IL1R1: variants seen among roughly 807,000 people sequenced by gnomAD.
IL1R1 encodes interleukin-1 receptor type 1.
IL1R1 carries 22 observed loss-of-function variants against 50.2 expected under a neutral mutation model. That is an observed-to-expected ratio of 0.44 (90% CI 0.31 to 0.63). The LOEUF is 0.63. Ranked by LOEUF, IL1R1 falls within the 20% of genes least tolerant of loss-of-function variation. IL1R1 has a pLI of 0.07. For synonymous variants in IL1R1, 251 were observed against 236.7 expected (o/e 1.06, Z -0.55); for missense variants, 509 against 676.2 (o/e 0.75, Z 2.74).
chr2:102,167,042 A>G (rs928066688), intron 6 of IL1R1, among the ~76,000 whole-genome samples: 1 of 152,168 alleles, frequency 6.6e-6, no homozygotes, highest in Non-Finnish European at 1.5e-5. Flanking sequence ...AGATTTTGTA[A>G]GATTTATGTA....
At chr2:102,158,601 A>G (rs2104536641) in intron 3 of IL1R1, among the ~76,000 whole-genome samples, 1 of 152,346 alleles carries the variant, frequency 6.6e-6, no homozygotes, top group South Asian at 2.1e-4. Flanking sequence ...CAGAATAAAA[A>G]TATCAGCATG....
intron 1 of IL1R1, among the ~76,000 whole-genome samples, chr2:102,073,818 G>A (rs977278630): frequency 6.6e-5 from 10 of 152,034 alleles, no homozygotes; most frequent in Non-Finnish European, 1.3e-4. Context: ...GAGGCAAAAA[G>A]CAACCCTACC....
chr2:102,124,848 G>A (rs1476323867), intron 1 of IL1R1, among the ~76,000 whole-genome samples: 2 of 152,004 alleles, frequency 1.3e-5, no homozygotes, highest in South Asian at 2.1e-4. Context: ...CCTGGGAGGC[G>A]GGGGTTGCAG....
chr2:102,079,373 A>G lies in IL1R1; in HGVS notation c.-84+8840A>G, dbSNP rs183166442. Among the ~76,000 whole-genome samples, 17 of 152,270 alleles carry G rather than the reference A, an allele frequency of 1.1e-4. No individual in the cohort carries two copies. In the East Asian group the frequency reaches 2.3e-3, roughly 21 times the overall value. On this transcript the variant is annotated intron_variant, in intron 1 of 11. Transcript: ENST00000409929. The stretch of plus-strand genomic sequence containing the variant: ...CATTCTAAGGAATCCACTAAAAACT[A>G]TTAGACTACTAAACAAGCTCAGTAA...
intron 7 of IL1R1, among the ~76,000 whole-genome samples, chr2:102,170,965 G>A (rs752013531): frequency 3.9e-5 from 6 of 152,172 alleles, no homozygotes; most frequent in Non-Finnish European, 5.9e-5. Context: ...AGAGGCTGAG[G>A]CATGAGAGTC....
chr2:102,164,195 G>A (rs75439304), intron 3 of IL1R1, among the ~76,000 whole-genome samples: 25 of 152,134 alleles, frequency 1.6e-4, no homozygotes, highest in African/African-American at 6.0e-4. Flanking sequence ...CTTTCTGCGT[G>A]TCGTTATGCA....
intron 1 of IL1R1, among the ~76,000 whole-genome samples, chr2:102,121,452 G>C (rs1681401615): frequency 1.3e-5 from 2 of 152,200 alleles, no homozygotes; most frequent in African/African-American, 2.4e-5. Context: ...CACCAGCCCG[G>C]TGACTCAGTT....
intron 6 of IL1R1, among the ~76,000 whole-genome samples, chr2:102,166,869 A>G (rs1019821134): frequency 6.6e-6 from 1 of 152,198 alleles, no homozygotes; most frequent in Admixed American, 6.5e-5. Flanking sequence ...CAAAACAGCT[A>G]TGCAATTAAT....
chr2:102,144,153 A>G (rs1335624415), intron 1 of IL1R1, among the ~76,000 whole-genome samples: 3 of 152,196 alleles, frequency 2.0e-5, no homozygotes, highest in African/African-American at 7.2e-5. Flanking sequence ...ATTGTGTGAT[A>G]TCTCATTTGA....
At chr2:102,141,800 C>T (rs959048432), upstream of IL1R1, 3 of 152,222 alleles carry the variant, frequency 2.0e-5, no homozygotes, top group African/African-American at 7.2e-5. Flanking sequence ...TGAAGACCTC[C>T]AAACAAGCTG....
Position 102,151,419 on chromosome 2 carries a change from A to G in IL1R1, c.-83-2522A>G, listed in dbSNP as rs1683642420. ...TGTGTCTCATGCAAAAATGGTGGGT[A>G]GGTAGGTAGGTGGATTCCTTCCCTC... On this transcript the variant is annotated intron_variant, in intron 1 of 11. Transcript: ENST00000410023. Among the ~76,000 whole-genome samples, 5 of 152,098 alleles carry G rather than the reference A, an allele frequency of 3.3e-5. 1 individual carries two copies. In the South Asian group the frequency reaches 1.0e-3, roughly 32 times the overall value.
chr2:102,079,679 CCCAGATTTATCACAAT>C (rs1679123989), intron 1 of IL1R1, among the ~76,000 whole-genome samples: 1 of 152,082 alleles, frequency 6.6e-6, no homozygotes, highest in African/African-American at 2.4e-5. Flanking sequence ...CCAAATGTAT[CCCAGATTTATCACAAT>C]CCTTATGAAT....
At chr2:102,079,505 T>A (rs1407418279) in intron 1 of IL1R1, among the ~76,000 whole-genome samples, 1 of 152,008 alleles carries the variant, frequency 6.6e-6, no homozygotes, top group East Asian at 1.9e-4. Flanking sequence ...TACAATAGCT[T>A]CAAAAAGAAT....
chr2:102,076,996 T>G (rs183572299), intron 1 of IL1R1, among the ~76,000 whole-genome samples: 2 of 152,332 alleles, frequency 1.3e-5, no homozygotes, highest in Non-Finnish European at 2.9e-5. Flanking sequence ...CAATCTTCTT[T>G]TCTCACCGCT....
chr2:102,091,556 A>C (rs1679667764), intron 1 of IL1R1, among the ~76,000 whole-genome samples: 1 of 152,226 alleles, frequency 6.6e-6, no homozygotes, highest in African/African-American at 2.4e-5. Flanking sequence ...CATTCATAGA[A>C]TGTGTAATGA....
At position 102,123,901 on chromosome 2, in the gene IL1R1, C is replaced by T. The variant is rs541135127; in HGVS notation, c.-84+19029C>T. Among the ~76,000 whole-genome samples, 220 of 151,938 alleles carry T rather than the reference C, an allele frequency of 1.4e-3. No individual in the cohort carries two copies. In the Middle Eastern group the frequency reaches 0.017, roughly 12 times the overall value. On this transcript the variant is annotated intron_variant, in intron 1 of 10. Transcript: ENST00000409329. ...TCTTTCTTGGTTGATAGGAATGAGACTTGGCAGAGATTAGGAAGGAGATGG... is the reference window on the plus strand; with the variant it reads ...TCTTTCTTGGTTGATAGGAATGAGATTTGGCAGAGATTAGGAAGGAGATGG...
rs1559469832 is a variant in IL1R1 at position 102,114,814 on chromosome 2, A to AAAAGGTAAAAAAAAAAAG, written c.-84+9942_-84+9943insAAAGGTAAAAAAAAAAAG. 2.2e-3 allele frequency among the ~76,000 whole-genome samples: 335 copies of AAAAGGTAAAAAAAAAAAG among 152,326 alleles called. 1 individual carries two copies. The highest frequency in any genetic ancestry group is 7.6e-3 in the African/African-American group (314 of 41,570). ...AAGGTAAAAAATGCTTTGGATTGGA[A>AAAAGGTAAAAAAAAAAAG]GTAGAGGCAGACCTTTACTTTAGTC... On this transcript the variant is annotated intron_variant, in intron 1 of 10. Coordinates refer to the IL1R1 transcript ENST00000409329.
intron 1 of IL1R1, among the ~76,000 whole-genome samples, chr2:102,089,887 G>A (rs1190076569): frequency 6.7e-6 from 1 of 148,706 alleles, no homozygotes; most frequent in African/African-American, 2.5e-5. Context: ...AGGCTGGAGT[G>A]CAGTGGTACG....
At chr2:102,104,565 G>A (rs555051774), upstream of IL1R1, 3 of 152,140 alleles carry the variant, frequency 2.0e-5, no homozygotes, top group Non-Finnish European at 4.4e-5. Flanking sequence ...GATGTGTCAC[G>A]GCCGAGGGAT....
Sources: gnomAD v4.1 joint callset for allele counts (sites outside exome capture counted in the v4.1 genomes callset) on GRCh38, gnomAD v4.1.1 for gene constraint, MANE v1.5 for transcripts, NCBI Gene and HGNC (gene_info 2026-07-23, HGNC 2026-07-21) for gene names.